The following ADAMTS12 variants were observed in gnomAD, a reference collection of about 807,000 sequenced individuals.
ADAMTS12 encodes the protein ADAM metallopeptidase with thrombospondin type 1 motif 12.
ADAMTS12 carries 118 observed loss-of-function variants against 167.8 expected under a neutral mutation model. That is an observed-to-expected ratio of 0.70 (90% CI 0.61 to 0.82). The LOEUF (loss-of-function observed/expected upper bound fraction) is 0.82, where lower values mean the gene tolerates loss of function less well. Among genes scored for constraint, ADAMTS12 ranks in the 40% least tolerant of loss-of-function variants. ADAMTS12 has a pLI of 0.00. For missense variants in ADAMTS12, 1,916 were observed against 1,998.8 expected (o/e 0.96, Z 0.79); for synonymous variants, 704 against 716.9 (o/e 0.98, Z 0.29).
intron 14 of ADAMTS12, among the ~76,000 whole-genome samples, chr5:33,623,412 G>A (rs187829279): frequency 3.9e-5 from 6 of 152,158 alleles, no homozygotes; most frequent in Non-Finnish European, 8.8e-5. Flanking sequence ...CCCTCAGGTC[G>A]GGGAAACTCA....
chr5:33,769,057 G>T (rs1745646581), intron 2 of ADAMTS12, among the ~76,000 whole-genome samples: 1 of 151,724 alleles, frequency 6.6e-6, no homozygotes, highest in Admixed American at 6.6e-5. Context: ...GATTATAACT[G>T]GAAGACAGAG....
intron 19 of ADAMTS12, among the ~76,000 whole-genome samples, chr5:33,564,164 A>G (rs1745888757): frequency 6.6e-6 from 1 of 152,236 alleles, no homozygotes; most frequent in African/African-American, 2.4e-5. Context: ...GAACTTTAGA[A>G]ATCACTTCCT....
chr5:33,702,854 G>A (rs1308954727), intron 3 of ADAMTS12, among the ~76,000 whole-genome samples: 5 of 152,168 alleles, frequency 3.3e-5, no homozygotes, highest in East Asian at 1.9e-4. Flanking sequence ...GGACCCTCAT[G>A]CCTTGGCATT....
chr5:33,630,968 T>C, intron 12 of ADAMTS12, 55 bp from the exon 13 acceptor site: 1 of 1,591,776 alleles, frequency 6.3e-7, no homozygotes, highest in Non-Finnish European at 8.6e-7. Context: ...CTCAGCATCC[T>C]CCCCCAGGAT....
chr5:33,543,063 A>G (rs961326816), intron 22 of ADAMTS12, among the ~76,000 whole-genome samples: 1 of 152,224 alleles, frequency 6.6e-6, no homozygotes, highest in African/African-American at 2.4e-5. Flanking sequence ...CAAAAACTGA[A>G]TGAATCCAGG....
At chr5:33,733,087 CATAA>C (rs1325386114) in intron 3 of ADAMTS12, among the ~76,000 whole-genome samples, 11 of 151,542 alleles carry the variant, frequency 7.3e-5, no homozygotes, top group Non-Finnish European at 1.3e-4. Context: ...TAAAATGTTA[CATAA>C]ATAACATATT....
chr5:33,626,325 A>G (rs1427240088), intron 13 of ADAMTS12, among the ~76,000 whole-genome samples: 18 of 142,812 alleles, frequency 1.3e-4, no homozygotes, highest in Non-Finnish European at 4.6e-5. Flanking sequence ...GGCAGTGATG[A>G]TGGTGGTGAT....
intron 2 of ADAMTS12, among the ~76,000 whole-genome samples, chr5:33,824,596 G>A (rs1490517772): frequency 6.6e-6 from 1 of 152,182 alleles, no homozygotes; most frequent in Non-Finnish European, 1.5e-5. Flanking sequence ...AAAAAAGAGA[G>A]GGCTGTGCTG....
At chr5:33,703,704 A>G (rs1366221436) in intron 3 of ADAMTS12, among the ~76,000 whole-genome samples, 1 of 152,160 alleles carries the variant, frequency 6.6e-6, no homozygotes, top group Non-Finnish European at 1.5e-5. Context: ...AGGGCCAACC[A>G]TATGGTCACA....
intron 2 of ADAMTS12, among the ~76,000 whole-genome samples, chr5:33,787,483 C>T (rs1746371126): frequency 6.6e-6 from 1 of 152,220 alleles, no homozygotes. Context: ...AAGACATATT[C>T]ATCACGAGAA....
At chr5:33,618,153 C>T (rs1739120566) in intron 14 of ADAMTS12, among the ~76,000 whole-genome samples, 1 of 152,234 alleles carries the variant, frequency 6.6e-6, no homozygotes, top group South Asian at 2.1e-4. Context: ...ATAAAGTAAG[C>T]TAGAGAAAAT....
chr5:33,711,024 G>A (rs1743384344), intron 3 of ADAMTS12, among the ~76,000 whole-genome samples: 3 of 152,212 alleles, frequency 2.0e-5, no homozygotes, highest in South Asian at 4.2e-4. Context: ...AAATTATGTG[G>A]TCATTTCTTC....
intron 11 of ADAMTS12, among the ~76,000 whole-genome samples, chr5:33,637,981 C>T (rs965019936): frequency 6.6e-6 from 1 of 152,128 alleles, no homozygotes; most frequent in African/African-American, 2.4e-5. Flanking sequence ...CCTGTATATC[C>T]TCCAGGTGAA....
Position 33,614,223 on chromosome 5 carries a change from G to C in ADAMTS12, c.2527+15C>G, listed in dbSNP as rs536182118. On this transcript the variant is annotated intron_variant, in intron 16 of 23. Coordinates refer to ENST00000504830, the MANE Select transcript of ADAMTS12 (RefSeq NM_030955.4). ...AGGCTGGCATGGCTTCATAGTGAGA[G>C]CAGCTGTTTCTCACCTGTCCCGCAG... 2 of 1,612,040 alleles carry C rather than the reference G, an allele frequency of 1.2e-6. No homozygotes were observed. Among genetic ancestry groups the C allele is most frequent in the African/African-American group, 2.7e-5 (2 of 74,998 alleles).
chr5:33,815,109 A>ATT (rs1324565998), intron 2 of ADAMTS12, among the ~76,000 whole-genome samples: 4 of 152,194 alleles, frequency 2.6e-5, no homozygotes, highest in Admixed American at 2.0e-4. Flanking sequence ...TGAAGGGGAA[A>ATT]TTAACAATGC....
intron 2 of ADAMTS12, among the ~76,000 whole-genome samples, chr5:33,762,903 A>T (rs142529857): frequency 6.6e-6 from 1 of 152,184 alleles, no homozygotes; most frequent in African/African-American, 2.4e-5. Flanking sequence ...AGTAGGAGGT[A>T]AGATCATCTG....
At chr5:33,801,157 A>AC (rs1373329300) in intron 2 of ADAMTS12, among the ~76,000 whole-genome samples, 1 of 152,178 alleles carries the variant, frequency 6.6e-6, no homozygotes, top group African/African-American at 2.4e-5. Flanking sequence ...AGTCTTGCTA[A>AC]CCCCTTGATT....
intron 2 of ADAMTS12, among the ~76,000 whole-genome samples, chr5:33,765,292 A>G (rs1321146069): frequency 6.6e-6 from 1 of 152,202 alleles, no homozygotes; most frequent in Non-Finnish European, 1.5e-5. Context: ...TCTCCTGCAT[A>G]ACCACAGTTC....
At chr5:33,599,575 A>T (rs1451853615) in intron 16 of ADAMTS12, among the ~76,000 whole-genome samples, 1 of 152,092 alleles carries the variant, frequency 6.6e-6, no homozygotes, top group Admixed American at 6.5e-5. Flanking sequence ...TGGTAGCCTT[A>T]TTCCCCTGAC....
Sources: gnomAD v4.1 joint callset for allele counts (sites outside exome capture counted in the v4.1 genomes callset) on GRCh38, gnomAD v4.1.1 for gene constraint, MANE v1.5 for transcripts, NCBI Gene and HGNC (gene_info 2026-07-23, HGNC 2026-07-21) for gene names.